NUP58: variants seen among roughly 807,000 people sequenced by gnomAD.
The protein encoded by NUP58 is nucleoporin 58.
A neutral mutation model predicts 70.1 loss-of-function variants in NUP58; 17 were observed. The ratio of observed to expected loss-of-function variants is 0.24; its 90% confidence interval spans 0.17 to 0.36. NUP58 has a LOEUF of 0.36. Ranked by LOEUF, NUP58 falls within the 10% of genes least tolerant of loss-of-function variation. The pLI, the probability that NUP58 is intolerant of heterozygous loss-of-function variation, is 1.00. For missense variants in NUP58, 644 were observed against 701.5 expected (o/e 0.92, Z 0.93); for synonymous variants, 275 against 257.6 (o/e 1.07, Z -0.65).
chr13:25,312,890 A>C lies in NUP58; in HGVS notation c.294A>C (p.Pro98=), dbSNP rs772288768. The C allele has an allele frequency of 6.2e-7, 1 of 1,609,112 alleles. No individual in the cohort carries two copies. The highest frequency in any genetic ancestry group is 8.5e-7 in the Non-Finnish European group (1 of 1,177,574). ...ATTTATTTATTTAAATAGGAACGCC[A>C]GCCACTACATCTGCAGCTACAACAG... ...TITTGLTLGT[P]ATTSAATTGF... is the part of the protein sequence containing the mutation. Residue 98 remains proline (P), a synonymous_variant, in exon 4 of 16, where the codon CCA becomes CCC. Transcript: ENST00000381736.
chr13:25,334,955 G>C, intron 13 of NUP58: 1 of 984,924 alleles, frequency 1.0e-6, no homozygotes, highest in Non-Finnish European at 1.2e-6. Context: ...TTTCAAAGCA[G>C]ACTTCTTGAA....
chr13:25,306,691 A>G (rs2030379654), intron 1 of NUP58, among the ~76,000 whole-genome samples: 1 of 152,226 alleles, frequency 6.6e-6, no homozygotes, highest in Non-Finnish European at 1.5e-5. Context: ...TAAATCTCCT[A>G]CATAATTTTG....
chr13:25,315,487 CTT>C lies in NUP58; in HGVS notation c.685+22_685+23del, dbSNP rs750111972. 2.3e-5 allele frequency: 35 copies of C among 1,540,702 alleles called. No individual in the cohort carries two copies. Among genetic ancestry groups the C allele is most frequent in the Non-Finnish European group, 2.7e-5 (30 of 1,116,050 alleles). ...AAAAGAGTAAGTAATGCTGTTGTAACTTTATGTTTTAACAGTTCTGTTGAGGG... is the reference window on the plus strand; with the variant it reads ...AAAAGAGTAAGTAATGCTGTTGTAACTATGTTTTAACAGTTCTGTTGAGGG... On this transcript the variant is annotated intron_variant, in intron 6 of 15. Transcript: ENST00000381736.
chr13:25,320,833 A>G lies in NUP58; in HGVS notation c.777-86A>G, dbSNP rs570001919. 1.1e-5 allele frequency: 10 copies of G among 913,274 alleles called. No homozygotes were observed. The African/African-American group carries it at 1.5e-4, about 14-fold the overall frequency. The allele number at this position is 913,274 out of a possible 1,614,324, so 56.6% of individuals were successfully genotyped here. A position where few individuals can be genotyped will look rare whatever the true frequency, so the allele number is the denominator to read the frequency against. On this transcript the variant is annotated intron_variant, in intron 8 of 15. Transcript: ENST00000381736. ...AATTTTTAGTTTTGTATTTTAAAAC[A>G]CTTGGACTGTTTTAAGTATATATAT...
intron 4 of NUP58, among the ~76,000 whole-genome samples, chr13:25,313,272 T>C (rs1190006191): frequency 2.6e-5 from 4 of 152,168 alleles, no homozygotes; most frequent in African/African-American, 9.7e-5. Context: ...AGGAGGCATT[T>C]AGTGACAGGG....
intron 13 of NUP58, chr13:25,335,967 C>T: frequency 1.8e-6 from 2 of 1,100,936 alleles, no homozygotes; most frequent in Non-Finnish European, 1.1e-6. Context: ...TTGTATTCTG[C>T]TTAGTTTTAA....
chr13:25,347,739 T>G (rs909852964), intron 3 of NUP58, among the ~76,000 whole-genome samples: 3 of 152,180 alleles, frequency 2.0e-5, no homozygotes, highest in Admixed American at 6.5e-5. Flanking sequence ...TGGAGCTTGT[T>G]TTTGTAGATG....
At chr13:25,328,578 G>A (rs1455792454) in intron 12 of NUP58, among the ~76,000 whole-genome samples, 1 of 151,880 alleles carries the variant, frequency 6.6e-6, no homozygotes, top group African/African-American at 2.4e-5. Context: ...TGTATTTTTA[G>A]TAGAGACAGG....
intron 9 of NUP58, among the ~76,000 whole-genome samples, chr13:25,323,458 A>G (rs1039355573): frequency 2.6e-5 from 4 of 152,178 alleles, no homozygotes; most frequent in African/African-American, 7.2e-5. Context: ...AAACATTTTT[A>G]AAGAAATTTG....
chr13:25,325,289 C>T (rs2031350690), intron 10 of NUP58, among the ~76,000 whole-genome samples: 1 of 152,062 alleles, frequency 6.6e-6, no homozygotes, highest in South Asian at 2.1e-4. Flanking sequence ...AGCTTTTCAC[C>T]ACTATTACGC....
intron 2 of NUP58, among the ~76,000 whole-genome samples, chr13:25,308,546 A>G (rs1214049877): frequency 6.6e-6 from 1 of 151,498 alleles, no homozygotes; most frequent in African/African-American, 2.4e-5. Context: ...CCTGAGGTCA[A>G]GTGATCCTCC....
chr13:25,334,880 A>G (rs1445307412), intron 13 of NUP58: 6 of 984,486 alleles, frequency 6.1e-6, no homozygotes, highest in Non-Finnish European at 3.6e-6. Flanking sequence ...AGTCATTGGT[A>G]TATATCACTA....
In NUP58 at chr13:25,312,783, A is replaced by G. The variant is rs751281905; in HGVS notation, c.287-100A>G. On this transcript the variant is annotated intron_variant, in intron 3 of 15. Transcript: ENST00000381736. Reference sequence around the variant, plus strand: ...TCTTCTATTGGCAAAAGGTAGTATCATGAACTTTTAAGGATCCTTATTGAA... The same window carrying G: ...TCTTCTATTGGCAAAAGGTAGTATCGTGAACTTTTAAGGATCCTTATTGAA... The G allele has an allele frequency of 2.3e-4, 269 of 1,182,018 alleles. 3 individuals are homozygous for G. The highest frequency in any genetic ancestry group is 9.2e-5 in the South Asian group (6 of 65,434). 73.2% of individuals were successfully genotyped at this position (1,182,018 alleles called of 1,614,324 possible). A position where few individuals can be genotyped will look rare whatever the true frequency, so the allele number is the denominator to read the frequency against.
intron 9 of NUP58, 90 bp downstream of exon 9, chr13:25,321,183 A>C: frequency 8.5e-7 from 1 of 1,173,788 alleles, no homozygotes; most frequent in Non-Finnish European, 1.2e-6. Context: ...GTTTGTTTTT[A>C]ATTATGAAAT....
chr13:25,303,552 A>G (rs994193715), intron 1 of NUP58, among the ~76,000 whole-genome samples: 2 of 152,020 alleles, frequency 1.3e-5, no homozygotes, highest in Non-Finnish European at 2.9e-5. Flanking sequence ...TCTCTTTTCA[A>G]GTGGGCTTTG....
chr13:25,310,875 A>C (rs531295754), intron 3 of NUP58, among the ~76,000 whole-genome samples: 1 of 152,188 alleles, frequency 6.6e-6, no homozygotes, highest in African/African-American at 2.4e-5. Context: ...CCTTGTGTCT[A>C]CATAATGCCT....
intron 13 of NUP58, chr13:25,336,213 G>C: frequency 7.3e-7 from 1 of 1,366,838 alleles, no homozygotes; most frequent in Non-Finnish European, 9.8e-7. Flanking sequence ...ATTTAATCAG[G>C]TGATAAGTGG....
chr13:25,315,231 T>C, intron 5 of NUP58, 126 bp from the exon 6 acceptor site: 1 of 720,438 alleles, frequency 1.4e-6, no homozygotes, highest in Non-Finnish European at 2.4e-6. Context: ...TGTTTCTTGT[T>C]GTTTGCCTAA....
intron 13 of NUP58, chr13:25,334,736 GTTTTAC>G: frequency 7.1e-6 from 7 of 981,330 alleles, no homozygotes; most frequent in Non-Finnish European, 7.3e-6. Flanking sequence ...TGTTAATGCA[GTTTTAC>G]TTTTAAGAAA....
Sources: gnomAD v4.1 joint callset for allele counts (sites outside exome capture counted in the v4.1 genomes callset) on GRCh38, gnomAD v4.1.1 for gene constraint, MANE v1.5 for transcripts, NCBI Gene and HGNC (gene_info 2026-07-23, HGNC 2026-07-21) for gene names.